The following SCFD2 variants were observed in gnomAD, a reference collection of about 807,000 sequenced individuals.
SCFD2 encodes the protein sec1 family domain-containing protein 2.
In SCFD2, 54 loss-of-function variants were observed where a neutral mutation model predicts 58.9. That is an observed-to-expected ratio of 0.92 (90% CI 0.74 to 1.15). SCFD2 has a LOEUF of 1.15. SCFD2 is among the 50% of genes most tolerant of loss of function. SCFD2 has a pLI of 0.00. For synonymous variants in SCFD2, 321 were observed against 335.9 expected (o/e 0.96, Z 0.49); for missense variants, 805 against 836.6 (o/e 0.96, Z 0.47).
chr4:53,331,985 T>A (rs1228260150), intron 2 of SCFD2, among the ~76,000 whole-genome samples: 1 of 152,202 alleles, frequency 6.6e-6, no homozygotes, highest in African/African-American at 2.4e-5. Context: ...ACAAATAAAC[T>A]AGAAAATCTA....
intron 3 of SCFD2, among the ~76,000 whole-genome samples, chr4:53,304,926 A>C (rs1732465637): frequency 2.0e-5 from 3 of 151,944 alleles, no homozygotes; most frequent in Admixed American, 1.3e-4. Flanking sequence ...TGGAATTTTC[A>C]GGCTTTTTGT....
chr4:53,093,822 C>A (rs1724540916), intron 5 of SCFD2, among the ~76,000 whole-genome samples: 1 of 151,214 alleles, frequency 6.6e-6, no homozygotes, highest in African/African-American at 2.4e-5. Context: ...GAAACGGTAG[C>A]ATCAGTCATC....
intron 4 of SCFD2, among the ~76,000 whole-genome samples, chr4:53,160,402 G>A (rs1380839784): frequency 1.3e-5 from 2 of 152,242 alleles, no homozygotes; most frequent in Admixed American, 6.5e-5. Context: ...AGCATTGAAT[G>A]TAATGTGAAC....
intron 5 of SCFD2, among the ~76,000 whole-genome samples, chr4:53,138,644 C>A (rs768634038): frequency 1.3e-5 from 2 of 152,184 alleles, no homozygotes; most frequent in African/African-American, 4.8e-5. Flanking sequence ...TTGCCCACCA[C>A]GCTAGAAATC....
intron 5 of SCFD2, among the ~76,000 whole-genome samples, chr4:53,044,908 C>CG (rs1159683047): frequency 2.2e-3 from 17 of 7,688 alleles, no homozygotes; most frequent in Admixed American, 0.015. Context: ...CACCCCCAAC[C>CG]CCCCCCCCCC....
At chr4:53,274,313 CAAAT>C (rs1051659643) in intron 3 of SCFD2, among the ~76,000 whole-genome samples, 2 of 152,106 alleles carry the variant, frequency 1.3e-5, no homozygotes, top group Non-Finnish European at 2.9e-5. Flanking sequence ...TAAAGTCACA[CAAAT>C]AAATATTTGT....
intron 2 of SCFD2, among the ~76,000 whole-genome samples, chr4:53,334,658 G>GA (rs1156527531): frequency 6.6e-6 from 1 of 151,550 alleles, no homozygotes; most frequent in Admixed American, 6.6e-5. Context: ...GCTAGATGAC[G>GA]AGTTAGTGGG....
At chr4:53,286,659 A>G (rs1731677380) in intron 3 of SCFD2, among the ~76,000 whole-genome samples, 1 of 152,124 alleles carries the variant, frequency 6.6e-6, no homozygotes, top group African/African-American at 2.4e-5. Context: ...AGGGAAACAG[A>G]GCTTTGGCTG....
intron 4 of SCFD2, among the ~76,000 whole-genome samples, chr4:53,241,811 C>T (rs964576095): frequency 6.6e-6 from 1 of 152,246 alleles, no homozygotes; most frequent in African/African-American, 2.4e-5. Flanking sequence ...CTGAGCTTAC[C>T]AGCCCCAATT....
At chr4:53,322,643 T>C (rs1733061890) in intron 2 of SCFD2, among the ~76,000 whole-genome samples, 2 of 152,358 alleles carry the variant, frequency 1.3e-5, no homozygotes, top group South Asian at 4.1e-4. Flanking sequence ...TCATATAGAT[T>C]TCTAATGCAT....
At chr4:53,173,569 A>T (rs996454047) in intron 4 of SCFD2, among the ~76,000 whole-genome samples, 5 of 152,102 alleles carry the variant, frequency 3.3e-5, no homozygotes, top group Non-Finnish European at 1.5e-5. Context: ...AAATCTAATC[A>T]ATTTACATTC....
At position 53,157,725 on chromosome 4, in the gene SCFD2, T is replaced by C. The variant is rs141991627; in HGVS notation, c.1312-12143A>G. Among the ~76,000 whole-genome samples, 441 of 152,308 alleles carry C rather than the reference T, an allele frequency of 2.9e-3. 1 individual carries two copies. Among genetic ancestry groups the C allele is most frequent in the African/African-American group, 0.01 (419 of 41,566 alleles). Reference sequence around the variant, plus strand: ...CTTTTCAATTTTCTCAGTATTAATTTCTAACAGAGTCAATATCAATAGTTA... The same window carrying C: ...CTTTTCAATTTTCTCAGTATTAATTCCTAACAGAGTCAATATCAATAGTTA... On this transcript the variant is annotated intron_variant, in intron 4 of 8. Transcript: ENST00000401642.
At chr4:53,354,318 G>T (rs1391961001) in intron 1 of SCFD2, among the ~76,000 whole-genome samples, 1 of 152,222 alleles carries the variant, frequency 6.6e-6, no homozygotes, top group Non-Finnish European at 1.5e-5. Context: ...CTCTGCAGCT[G>T]CTGGCCCAGG....
At chr4:52,921,700 G>A (rs763327388) in intron 5 of SCFD2, among the ~76,000 whole-genome samples, 3 of 152,024 alleles carry the variant, frequency 2.0e-5, no homozygotes, top group East Asian at 3.9e-4. Context: ...ATACCCACTC[G>A]GTCACCCTGG....
chr4:52,883,135 G>A (rs924052837), intron 8 of SCFD2, among the ~76,000 whole-genome samples: 1 of 152,174 alleles, frequency 6.6e-6, no homozygotes, highest in Non-Finnish European at 1.5e-5. Flanking sequence ...GAACTAGCAC[G>A]CATCCCACTT....
At chr4:53,096,220 T>C (rs529817530) in intron 5 of SCFD2, among the ~76,000 whole-genome samples, 22 of 152,352 alleles carry the variant, frequency 1.4e-4, no homozygotes, top group Admixed American at 1.4e-3. Flanking sequence ...TATAATTCTT[T>C]GGGTATATAC....
chr4:53,292,235 A>C (rs1164719205), intron 3 of SCFD2, among the ~76,000 whole-genome samples: 1 of 152,202 alleles, frequency 6.6e-6, no homozygotes, highest in Admixed American at 6.5e-5. Flanking sequence ...TCTGCACAGC[A>C]AAAGTAACTA....
chr4:52,940,485 C>T (rs1033543572), intron 5 of SCFD2, among the ~76,000 whole-genome samples: 1 of 152,108 alleles, frequency 6.6e-6, no homozygotes, highest in East Asian at 1.9e-4. Context: ...AGACACAGTC[C>T]GTATCTGGGC....
intron 3 of SCFD2, among the ~76,000 whole-genome samples, chr4:53,284,995 AC>A (rs1044692797): frequency 1.3e-5 from 2 of 152,230 alleles, no homozygotes; most frequent in Admixed American, 6.5e-5. Context: ...AGAATAAGAA[AC>A]TAATGTGAAA....
Sources: allele counts gnomAD v4.1 joint callset (sites outside exome capture counted in the v4.1 genomes callset), GRCh38; gene constraint gnomAD v4.1.1; transcripts MANE v1.5; gene names NCBI Gene and HGNC (gene_info 2026-07-23, HGNC 2026-07-21).